Variants in STRN observed in about 807,000 individuals in gnomAD.
STRN encodes the protein striatin.
In STRN, 53 loss-of-function variants were observed where a neutral mutation model predicts 96.3. That is an observed-to-expected ratio of 0.55 (90% CI 0.44 to 0.69). The LOEUF (loss-of-function observed/expected upper bound fraction) is 0.69, where lower values mean the gene tolerates loss of function less well. Ranked by LOEUF, STRN falls within the 30% of genes least tolerant of loss-of-function variation. The pLI is 0.00. For synonymous variants in STRN, 428 were observed against 355.9 expected, an observed-to-expected ratio of 1.20 and a Z score of -2.28; for missense variants, 987 against 963.9, an observed-to-expected ratio of 1.02 and a Z score of -0.32.
chr2:36,953,752 T>C (rs1664815685), intron 1 of STRN, among the ~76,000 whole-genome samples: 1 of 152,246 alleles, frequency 6.6e-6, no homozygotes, highest in Non-Finnish European at 1.5e-5. Context: ...AGTGATCTTA[T>C]TTTGTCAAAT....
At chr2:36,890,536 T>G (rs1669366544) in intron 7 of STRN, among the ~76,000 whole-genome samples, 2 of 140,530 alleles carry the variant, frequency 1.4e-5, no homozygotes, top group African/African-American at 5.5e-5. Context: ...CAGGCTGGAG[T>G]GCAATGGCGT....
chr2:36,860,201 G>C (rs1172357551), intron 13 of STRN, among the ~76,000 whole-genome samples: 1 of 152,158 alleles, frequency 6.6e-6, no homozygotes, highest in Non-Finnish European at 1.5e-5. Flanking sequence ...CAGTCGCAAA[G>C]AGACAGAGAG....
intron 1 of STRN, among the ~76,000 whole-genome samples, chr2:36,948,592 A>C (rs1222909537): frequency 6.6e-6 from 1 of 152,196 alleles, no homozygotes. Context: ...GAAGTTGCCA[A>C]AGAGATGAGA....
chr2:36,851,114 A>G lies in STRN; in HGVS notation c.1979-7T>C. The G allele has an allele frequency of 1.2e-6, 2 of 1,602,646 alleles. No homozygotes were observed. The highest frequency in any genetic ancestry group is 1.7e-6 in the Non-Finnish European group (2 of 1,172,838). On this transcript the variant is annotated splice_region_variant and splice_polypyrimidine_tract_variant and intron_variant, in intron 15 of 17. Transcript: ENST00000263918. ...TGGCAGGAAGAGTTGGCTGCTAAAA[A>G]GAAAAAATTAAAAAGCAACACAACT...
chr2:36,962,601 A>G, intron 1 of STRN, among the ~76,000 whole-genome samples: 1 of 151,062 alleles, frequency 6.6e-6, no homozygotes, highest in Admixed American at 6.6e-5. Flanking sequence ...ATCTCAGCTC[A>G]CTGCAACCTC....
At chr2:36,860,196 G>A (rs1004797550) in intron 13 of STRN, among the ~76,000 whole-genome samples, 7 of 152,118 alleles carry the variant, frequency 4.6e-5, no homozygotes, top group Non-Finnish European at 8.8e-5. Context: ...GAATGCAGTC[G>A]CAAAGAGACA....
At chr2:36,958,572 G>T (rs1209654635) in intron 1 of STRN, among the ~76,000 whole-genome samples, 2 of 152,138 alleles carry the variant, frequency 1.3e-5, no homozygotes, top group Admixed American at 1.3e-4. Flanking sequence ...TAATGGAGTG[G>T]AAGATATGTC....
chr2:36,839,047 G>A lies in STRN; in HGVS notation c.*10409C>T, dbSNP rs1178947406. Among the ~76,000 whole-genome samples, 2 of 152,160 alleles carry A rather than the reference G, an allele frequency of 1.3e-5. No homozygotes were observed. Among genetic ancestry groups the A allele is most frequent in the African/African-American group, 4.8e-5 (2 of 41,438 alleles). Reference sequence around the variant, plus strand: ...TAATATGTAGAATAAAACCCCATATGTAATAACTGGGTATACACATTTGTA... The same window carrying A: ...TAATATGTAGAATAAAACCCCATATATAATAACTGGGTATACACATTTGTA... On this transcript the variant is annotated 3_prime_UTR_variant, in exon 18 of 18. Coordinates refer to ENST00000263918, the MANE Select transcript of STRN (RefSeq NM_003162.4).
At position 36,851,040 on chromosome 2, in the gene STRN, A is replaced by G. The variant is rs1217182284; in HGVS notation, c.2046T>C (p.Ala682=). Reference sequence around the variant, plus strand: ...AGAATTTGATGTGCCTGTCTTCATGAGCAGTGATGCTGATCGGAAGAGTAG... The same window carrying G: ...AGAATTTGATGTGCCTGTCTTCATGGGCAGTGATGCTGATCGGAAGAGTAG... ...SHPTLPISIT[A]HEDRHIKFYD... Residue 682 remains alanine (A), a synonymous_variant, in exon 16 of 18, where the codon GCT becomes GCC. Transcript: ENST00000263918. The G allele has an allele frequency of 1.9e-6, 3 of 1,613,466 alleles. No homozygotes were observed. The highest frequency in any genetic ancestry group is 2.5e-6 in the Non-Finnish European group (3 of 1,179,804).
At position 36,966,520 on chromosome 2, in the gene STRN, G is replaced by C; in HGVS notation, c.-57C>G. The C allele has an allele frequency of 7.4e-7, 1 of 1,359,734 alleles. No homozygotes were observed. The highest frequency in any genetic ancestry group is 9.4e-7 in the Non-Finnish European group (1 of 1,059,240). The allele number at this position is 1,359,734 out of a possible 1,614,324, so 84.2% of individuals were successfully genotyped here. ...GCGCCCAGCAGCGGAGGCAACAGCG[G>C]CGGCAAGCAGCGCCTCCTCCTCCCT... On this transcript the variant is annotated 5_prime_UTR_variant, in exon 1 of 18. Coordinates refer to ENST00000263918, the MANE Select transcript of STRN (RefSeq NM_003162.4).
At chr2:36,933,089 T>C (rs1456418388) in intron 1 of STRN, among the ~76,000 whole-genome samples, 4 of 148,804 alleles carry the variant, frequency 2.7e-5, no homozygotes, top group East Asian at 1.9e-4. Flanking sequence ...CACACACATA[T>C]ATATGCAGTT....
At chr2:36,911,473 G>A (rs1481170784) in intron 3 of STRN, among the ~76,000 whole-genome samples, 1 of 152,076 alleles carries the variant, frequency 6.6e-6, no homozygotes, top group Non-Finnish European at 1.5e-5. Context: ...TGTTTTTATA[G>A]TACAGACACA....
chr2:36,871,136 CAA>C (rs1275100159), intron 10 of STRN, among the ~76,000 whole-genome samples: 1 of 152,066 alleles, frequency 6.6e-6, no homozygotes, highest in African/African-American at 2.4e-5. Context: ...TTATAGTAAG[CAA>C]AGTCTAATTT....
Position 36,886,784 on chromosome 2 carries a change from T to C in STRN, c.974A>G (p.Asp325Gly). Residue 325 changes from aspartate (D) to glycine (G), a missense_variant, in exon 8 of 18, where the codon GAC becomes GGC. Asp to Gly is a moderately conservative substitution (Grantham distance 94). Transcript: ENST00000263918. The stretch of plus-strand genomic sequence containing the variant: ...CTTGAGTTTGGTAATTACTCCCTGG[T>C]CCACATTCCAGGCTTCAGGCATGAG... ...QCLMPEAWNV[D>G]QGVITKLKEQ... The C allele has an allele frequency of 1.2e-6, 2 of 1,613,676 alleles. No individual in the cohort carries two copies. The highest frequency in any genetic ancestry group is 1.7e-6 in the Non-Finnish European group (2 of 1,179,766).
At chr2:36,864,291 T>C (rs114222360) in intron 12 of STRN, among the ~76,000 whole-genome samples, 1,833 of 152,304 alleles carry the variant, frequency 0.012, 33 homozygotes, top group African/African-American at 0.041. Flanking sequence ...GGCTGTGAGC[T>C]TGTCATAGAT....
chr2:36,855,380 G>A, intron 14 of STRN, 28 bp from the exon 15 acceptor site: 1 of 1,605,826 alleles, frequency 6.2e-7, no homozygotes, highest in Non-Finnish European at 8.5e-7. Flanking sequence ...GAAATAGAAT[G>A]GCAATTAAAC....
chr2:36,863,753 C>A (rs994519638), intron 12 of STRN, among the ~76,000 whole-genome samples: 1 of 152,120 alleles, frequency 6.6e-6, no homozygotes, highest in Non-Finnish European at 1.5e-5. Context: ...TTGGGCAGTA[C>A]GGCCATTTTA....
intron 1 of STRN, among the ~76,000 whole-genome samples, chr2:36,951,280 A>AC (rs1664747087): frequency 6.6e-6 from 1 of 152,230 alleles, no homozygotes; most frequent in Non-Finnish European, 1.5e-5. Context: ...ACCCAAGTGC[A>AC]ATTTGCTACA....
intron 4 of STRN, 162 bp from the exon 5 acceptor site, chr2:36,902,913 T>C (rs1231578860): frequency 2.1e-6 from 1 of 472,252 alleles, no homozygotes; most frequent in Admixed American, 4.1e-5. Flanking sequence ...CAGCTGCAGA[T>C]GGAGCTGTCT....
Sources: gnomAD v4.1 joint callset for allele counts (sites outside exome capture counted in the v4.1 genomes callset) on GRCh38, gnomAD v4.1.1 for gene constraint, MANE v1.5 for transcripts, NCBI Gene and HGNC (gene_info 2026-07-23, HGNC 2026-07-21) for gene names.